NTM: variants seen among roughly 807,000 people sequenced by gnomAD.
NTM encodes the protein neurotrimin.
Under a neutral mutation model 42.1 loss-of-function variants are expected in NTM, and 13 were observed. That is an observed-to-expected ratio of 0.31 (90% confidence interval 0.20 to 0.49). The LOEUF (loss-of-function observed/expected upper bound fraction) is 0.49, where lower values mean the gene tolerates loss of function less well. Among genes scored for constraint, NTM ranks in the 20% least tolerant of loss-of-function variants. The pLI, the probability that NTM is intolerant of heterozygous loss-of-function variation, is 0.99. For missense variants in NTM, 373 were observed against 452.8 expected (o/e 0.82, Z 1.60); for synonymous variants, 187 against 179.2 (o/e 1.04, Z -0.35).
chr11:131,668,144 C>T (rs900533626), intron 1 of NTM, among the ~76,000 whole-genome samples: 2 of 152,174 alleles, frequency 1.3e-5, no homozygotes, highest in Non-Finnish European at 2.9e-5. Flanking sequence ...GCCAATGGAA[C>T]ACGAGCCTGG....
Position 132,146,312 on chromosome 11 carries a change from G to T in NTM, c.198G>T (p.Val66=). Residue 66 remains valine (V), a synonymous_variant, in exon 3 of 9, where the codon GTG becomes GTT. Coordinates refer to ENST00000683400, the MANE Select transcript of NTM (RefSeq NM_001352005.2). The surrounding 1 kb of genome is among the most constrained non-coding windows in gnomAD (Gnocchi z 4.5). ...CTATTGACAACCGGGTCACCCGGGT[G>T]GCCTGGCTAAACCGCAGCACCATCC... ...RCTIDNRVTR[V]AWLNRSTILY... is the part of the protein sequence containing the mutation. The T allele has an allele frequency of 6.2e-7, 1 of 1,614,188 alleles. No individual in the cohort carries two copies. The highest frequency in any genetic ancestry group is 8.5e-7 in the Non-Finnish European group (1 of 1,180,036).
At chr11:132,147,354 T>A (rs1418364548) in intron 3 of NTM, among the ~76,000 whole-genome samples, 1 of 152,072 alleles carries the variant, frequency 6.6e-6, no homozygotes, top group African/African-American at 2.4e-5. Context: ...GAAGGATTCC[T>A]AGTTAGTGAG....
intron 1 of NTM, among the ~76,000 whole-genome samples, chr11:131,738,920 G>A (rs562652340): frequency 2.0e-5 from 3 of 152,302 alleles, no homozygotes; most frequent in South Asian, 2.1e-4. Context: ...CCCGTCAAAT[G>A]AGTCAAAGCC....
intron 3 of NTM, among the ~76,000 whole-genome samples, chr11:132,206,629 C>T (rs1224352655): frequency 2.0e-5 from 3 of 152,216 alleles, no homozygotes; most frequent in Non-Finnish European, 2.9e-5. Flanking sequence ...AGAGCCGGAT[C>T]TCAGCCCCTG....
chr11:132,288,081 C>T (rs1487224354), intron 4 of NTM, among the ~76,000 whole-genome samples: 4 of 152,184 alleles, frequency 2.6e-5, no homozygotes, highest in African/African-American at 7.2e-5. Context: ...TTGTGTGCAG[C>T]GCACAGAGCC....
At chr11:132,290,695 A>C (rs1392041641) in intron 4 of NTM, among the ~76,000 whole-genome samples, 1 of 152,204 alleles carries the variant, frequency 6.6e-6, no homozygotes, top group Non-Finnish European at 1.5e-5. Context: ...AGGGAGAGAG[A>C]GATAAATAAC....
intron 1 of NTM, among the ~76,000 whole-genome samples, chr11:131,614,889 G>A (rs141926890): frequency 5.3e-5 from 8 of 152,312 alleles, no homozygotes; most frequent in East Asian, 1.9e-4. Flanking sequence ...GGCCCTGCCC[G>A]CCTGGCTTTG....
chr11:131,413,621 G>A (rs1439039922), intron 1 of NTM, among the ~76,000 whole-genome samples: 1 of 152,212 alleles, frequency 6.6e-6, no homozygotes, highest in Non-Finnish European at 1.5e-5. Flanking sequence ...CAGTCTGAGA[G>A]AACCAGTCGT....
intron 2 of NTM, among the ~76,000 whole-genome samples, chr11:132,009,028 A>G (rs1311402221): frequency 6.6e-6 from 1 of 152,172 alleles, no homozygotes; most frequent in Non-Finnish European, 1.5e-5. Context: ...ACACCAGATC[A>G]GCGCTGTGGG....
In NTM at chr11:131,584,731, C is replaced by T. The variant is rs563718025; in HGVS notation, c.82+213843C>T. On this transcript the variant is annotated intron_variant, in intron 1 of 8. Coordinates refer to ENST00000683400, the MANE Select transcript of NTM (RefSeq NM_001352005.2). ...GTGAGATTACAGCCTGTGTCAATCA[C>T]CCTGGACGGAGCCATTTCACTCTTT... Among the ~76,000 whole-genome samples the T allele has an allele frequency of 2.6e-5, 4 of 152,328 alleles. No individual in the cohort carries two copies. In the East Asian group the frequency reaches 7.7e-4, roughly 29 times the overall value.
At chr11:131,789,822 G>A (rs1325510380) in intron 1 of NTM, among the ~76,000 whole-genome samples, 34 of 151,072 alleles carry the variant, frequency 2.3e-4, no homozygotes, top group South Asian at 2.1e-4. Context: ...CGGGTGTGGT[G>A]GCGGGAGCCT....
intron 1 of NTM, among the ~76,000 whole-genome samples, chr11:131,874,035 ATATAT>A (rs1266349103): frequency 0.045 from 802 of 17,754 alleles, 77 homozygotes; most frequent in Admixed American, 0.23. Context: ...AATATAATAT[ATATAT>A]ATATATATAT....
At chr11:131,482,465 C>A (rs1448044484) in intron 1 of NTM, among the ~76,000 whole-genome samples, 1 of 152,146 alleles carries the variant, frequency 6.6e-6, no homozygotes, top group East Asian at 1.9e-4. Context: ...CTTGCTTTTA[C>A]CTGTTTGGCT....
intron 1 of NTM, among the ~76,000 whole-genome samples, chr11:131,446,854 G>T (rs1281068387): frequency 1.3e-5 from 2 of 152,190 alleles, no homozygotes; most frequent in Non-Finnish European, 2.9e-5. Context: ...GTATTTCTAG[G>T]ACACATGTCA....
At chr11:132,067,482 C>T (rs189400601) in intron 2 of NTM, among the ~76,000 whole-genome samples, 120 of 152,268 alleles carry the variant, frequency 7.9e-4, no homozygotes, top group Middle Eastern at 3.4e-3. Flanking sequence ...ATGATCCACC[C>T]CAAGGTAAAG....
At chr11:131,789,459 A>AG (rs1491275127) in intron 1 of NTM, among the ~76,000 whole-genome samples, 1 of 13,334 alleles carries the variant, frequency 7.5e-5, no homozygotes, top group African/African-American at 2.9e-4. Context: ...AAGAAGAAGA[A>AG]GAAGAAGAAG....
chr11:132,274,529 A>T (rs1359519127), intron 4 of NTM, among the ~76,000 whole-genome samples: 1 of 152,038 alleles, frequency 6.6e-6, no homozygotes, highest in Non-Finnish European at 1.5e-5. Context: ...CCTTTGGCTC[A>T]TTGGTTATTT....
intron 1 of NTM, among the ~76,000 whole-genome samples, chr11:131,546,045 T>C (rs1042847319): frequency 5.3e-5 from 8 of 152,166 alleles, no homozygotes; most frequent in African/African-American, 1.9e-4. Context: ...TGAATTTTTA[T>C]ACTGTGAGCA....
intron 1 of NTM, among the ~76,000 whole-genome samples, chr11:131,909,457 G>A (rs1487526954): frequency 6.9e-6 from 1 of 144,406 alleles, no homozygotes; most frequent in East Asian, 1.9e-4. Context: ...TTTAACAGTT[G>A]TTAACAACAA....
Sources: gnomAD v4.1 joint callset for allele counts (sites outside exome capture counted in the v4.1 genomes callset) on GRCh38, gnomAD v4.1.1 for gene constraint, Gnocchi (gnomAD v3.1) non-coding constraint, MANE v1.5 for transcripts, NCBI Gene and HGNC (gene_info 2026-07-23, HGNC 2026-07-21) for gene names.